CCDC40: variants seen among roughly 807,000 people sequenced by gnomAD.
CCDC40 encodes coiled-coil domain-containing protein 40.
A neutral mutation model predicts 124.5 loss-of-function variants in CCDC40; 104 were observed. The ratio of observed to expected loss-of-function variants is 0.84; its 90% CI spans 0.71 to 0.98. The LOEUF (loss-of-function observed/expected upper bound fraction) is 0.98, where lower values mean the gene tolerates loss of function less well. Ranked by LOEUF, CCDC40 falls within the 50% of genes least tolerant of loss-of-function variation. CCDC40 has a pLI of 0.00. For synonymous variants in CCDC40, 580 were observed against 602.9 expected, an observed-to-expected ratio of 0.96 and a Z score of 0.56; for missense variants, 1,463 against 1,503.9, an observed-to-expected ratio of 0.97 and a Z score of 0.45.
In CCDC40 at chr17:80,058,992, C is replaced by T. The variant is rs376872443; in HGVS notation, c.1440+12C>T. 3 of 1,614,196 alleles carry T rather than the reference C, an allele frequency of 1.9e-6. No homozygotes were observed. In the East Asian group the frequency reaches 6.7e-5, roughly 36 times the overall value. ...AAGCAGTGAGTGAGGTAAAAGCAGT[C>T]CCCGCAGCTCTCAGTGTTCGACCCT... On this transcript the variant is annotated intron_variant, in intron 9 of 19. Coordinates refer to ENST00000397545, the MANE Select transcript of CCDC40 (RefSeq NM_017950.4). This position sits in a 1 kb window ranked among gnomAD's most constrained non-coding sequence, Gnocchi z 4.2.
At chr17:80,067,800 A>C (rs2038086494) in intron 10 of CCDC40, 8 of 1,453,758 alleles carry the variant, frequency 5.5e-6, no homozygotes, top group Non-Finnish European at 7.2e-6. Context: ...GCGGTGTTTC[A>C]AAGTCCCCTG....
chr17:80,060,394 TA>T (rs944204090), intron 9 of CCDC40, among the ~76,000 whole-genome samples: 4 of 148,060 alleles, frequency 2.7e-5, no homozygotes, highest in Non-Finnish European at 6.0e-5. Flanking sequence ...AAATAATAAT[TA>T]AAAAAAAATA....
At chr17:80,056,366 T>C (rs1352136794) in intron 7 of CCDC40, among the ~76,000 whole-genome samples, 2 of 152,216 alleles carry the variant, frequency 1.3e-5, no homozygotes, top group South Asian at 2.1e-4. Flanking sequence ...ACGCCTGTAG[T>C]GTTGACACTT....
At position 80,067,780 on chromosome 17, in the gene CCDC40, G is replaced by A. The variant is rs528762916; in HGVS notation, c.1562+2174G>A. 5.5e-3 allele frequency: 8,047 copies of A among 1,461,718 alleles called. 23 individuals carry two copies. The highest frequency in any genetic ancestry group is 6.4e-3 in the Non-Finnish European group (7,043 of 1,106,422). 90.5% of individuals were successfully genotyped at this position (1,461,718 alleles called of 1,614,324 possible). The stretch of plus-strand genomic sequence containing the variant: ...TGCTAAGTAGGATTGTGACAGTCAC[G>A]CCCCCGGCAGCGGTGTTTCAAAGTC... On this transcript the variant is annotated intron_variant, in intron 10 of 19. Coordinates refer to ENST00000397545, the MANE Select transcript of CCDC40 (RefSeq NM_017950.4).
At chr17:80,040,954 T>C (rs1013560533) in intron 3 of CCDC40, among the ~76,000 whole-genome samples, 2 of 152,178 alleles carry the variant, frequency 1.3e-5, no homozygotes, top group Non-Finnish European at 2.9e-5. Flanking sequence ...GATTCTAATT[T>C]CCATTTAAAT....
chr17:80,095,530 TGGGTCC>T, intron 18 of CCDC40, 79 bp downstream of exon 18: 1 of 1,411,312 alleles, frequency 7.1e-7, no homozygotes, highest in South Asian at 1.2e-5. Context: ...GGCGTCTTGC[TGGGTCC>T]GGGGTGAGGA....
chr17:80,059,015 C>T (rs926995825), intron 9 of CCDC40, 35 bp downstream of exon 9: 3 of 1,613,788 alleles, frequency 1.9e-6, no homozygotes, highest in African/African-American at 2.7e-5. Flanking sequence ...AGTGTTCGAC[C>T]CTCCAGTGAG....
Position 80,050,116 on chromosome 17 carries a change from T to G in CCDC40, c.992T>G (p.Leu331Arg), listed in dbSNP as rs1298018226. The G allele has an allele frequency of 1.2e-6, 2 of 1,613,704 alleles. No homozygotes were observed. The highest frequency in any genetic ancestry group is 1.7e-6 in the Non-Finnish European group (2 of 1,180,022). The change falls in exon 7 of 20, where the codon CTC (leucine) becomes CGC (arginine). Residue 331 changes from leucine (L) to arginine (R), a missense_variant. Coordinates refer to ENST00000397545, the MANE Select transcript of CCDC40 (RefSeq NM_017950.4). ...RAQRQELGVN[L>R]YEVQQHLVHL... ...CAGCGGCAGGAGCTGGGGGTGAATC[T>G]CTATGAGGTGCAGCAGCACCTGGTA...
chr17:80,085,755 T>G (rs182754090), intron 13 of CCDC40, among the ~76,000 whole-genome samples: 4 of 149,194 alleles, frequency 2.7e-5, no homozygotes, highest in Non-Finnish European at 5.9e-5. Flanking sequence ...ACTGCACATC[T>G]GCCTCCTGAG....
intron 16 of CCDC40, among the ~76,000 whole-genome samples, chr17:80,088,698 T>G (rs571263700): frequency 6.6e-6 from 1 of 152,290 alleles, no homozygotes; most frequent in South Asian, 2.1e-4. Flanking sequence ...TCCCAGCTAC[T>G]CGGGAGGCTG....
chr17:80,053,614 A>T (rs981640870), intron 7 of CCDC40, among the ~76,000 whole-genome samples: 59 of 152,244 alleles, frequency 3.9e-4, no homozygotes, highest in African/African-American at 1.4e-3. Flanking sequence ...GTTTGTTGAG[A>T]TGGAGTCTCT....
Position 80,081,530 on chromosome 17 carries a change from CG to C in CCDC40, c.1563-15del. 1 of 1,613,260 alleles carries C rather than the reference CG, an allele frequency of 6.2e-7. No homozygotes were observed. Among genetic ancestry groups the C allele is most frequent in the African/African-American group, 1.3e-5 (1 of 75,052 alleles). On this transcript the variant is annotated splice_polypyrimidine_tract_variant and intron_variant, in intron 10 of 19. Transcript: ENST00000397545. ...TGTCTCACACGTAACTGGCTCTCCC[CG>C]CTGCATTTCTACAGAGGATGCCAGC...
At chr17:80,090,814 C>G in intron 17 of CCDC40, 4 of 1,216,600 alleles carry the variant, frequency 3.3e-6, no homozygotes, top group Non-Finnish European at 4.1e-6. Flanking sequence ...TTCACCATGC[C>G]ATGCTAAATA....
intron 10 of CCDC40, among the ~76,000 whole-genome samples, chr17:80,072,491 A>G (rs184826624): frequency 1.3e-5 from 2 of 152,144 alleles, no homozygotes. Context: ...TTATTGTCAA[A>G]TTTAGACATT....
At chr17:80,044,712 A>T (rs796200057) in intron 3 of CCDC40, among the ~76,000 whole-genome samples, 18,792 of 67,828 alleles carry the variant, frequency 0.28, 1,861 homozygotes, top group African/African-American at 0.42. Context: ...CAAACAAAAA[A>T]AAAAATATAT....
rs117419007 is a variant in CCDC40, at chr17:80,047,356, C to T, written c.630C>T (p.Ser210=). 9,549 of 1,613,620 alleles carry T rather than the reference C, an allele frequency of 5.9e-3. 46 individuals carry two copies. Among genetic ancestry groups the T allele is most frequent in the Non-Finnish European group, 5.9e-3 (6,911 of 1,179,816 alleles). Reference sequence around the variant, plus strand: ...ACCGCTTCCGGCTGAGCCACGGGAGCGACATCGAGTCCTCAGACCTGGAGG... The same window carrying T: ...ACCGCTTCCGGCTGAGCCACGGGAGTGACATCGAGTCCTCAGACCTGGAGG... ...VQHRFRLSHG[S]DIESSDLEEF... is the part of the protein sequence containing the mutation. Residue 210 remains serine (S), a synonymous_variant, in exon 4 of 20, where the codon AGC becomes AGT. Coordinates refer to ENST00000397545, the MANE Select transcript of CCDC40 (RefSeq NM_017950.4).
Position 80,066,081 on chromosome 17 carries a change from A to AAT in CCDC40, c.1562+475_1562+476insAT. The stretch of plus-strand genomic sequence containing the variant: ...TGGGGATGGATGCGTGGCTCAGGGC[A>AAT]GGGCGTTGGAGACACAGGTGCTGCC... On this transcript the variant is annotated intron_variant, in intron 10 of 19. Transcript: ENST00000397545. This position sits in a 1 kb window ranked among gnomAD's most constrained non-coding sequence, Gnocchi z 4.4. The AAT allele has an allele frequency of 1.4e-6, 1 of 702,986 alleles. No individual in the cohort carries two copies. The allele number at this position is 702,986 out of a possible 1,614,324, so 43.5% of individuals were successfully genotyped here.
chr17:80,052,363 T>C (rs780160107), intron 7 of CCDC40, among the ~76,000 whole-genome samples: 21 of 152,128 alleles, frequency 1.4e-4, no homozygotes, highest in Non-Finnish European at 2.6e-4. Flanking sequence ...GCTGGGAGGC[T>C]ACACCAGTCT....
chr17:80,059,953 T>G (rs1034633681), intron 9 of CCDC40, among the ~76,000 whole-genome samples: 2 of 152,180 alleles, frequency 1.3e-5, no homozygotes, highest in African/African-American at 4.8e-5. Context: ...TACTCAGCAC[T>G]GGTCTCTCCA....
Sources: gnomAD v4.1 joint callset for allele counts (sites outside exome capture counted in the v4.1 genomes callset) on GRCh38, gnomAD v4.1.1 for gene constraint, Gnocchi (gnomAD v3.1) non-coding constraint, MANE v1.5 for transcripts, NCBI Gene and HGNC (gene_info 2026-07-23, HGNC 2026-07-21) for gene names.